SPOCK3: variants seen among roughly 807,000 people sequenced by gnomAD.
SPOCK3 encodes SPARC (osteonectin), cwcv and kazal like domains proteoglycan 3.
SPOCK3 carries 30 observed loss-of-function variants against 56.6 expected under a neutral mutation model. The observed-to-expected ratio is 0.53, with a 90% confidence interval of 0.40 to 0.72. SPOCK3 has a LOEUF of 0.72. Among genes scored for constraint, SPOCK3 ranks in the 30% least tolerant of loss-of-function variants. SPOCK3 has a pLI of 0.00. For missense variants in SPOCK3, 527 were observed against 530.0 expected (o/e 0.99, Z 0.06); for synonymous variants, 196 against 183.3 (o/e 1.07, Z -0.56).
intron 4 of SPOCK3, among the ~76,000 whole-genome samples, chr4:166,939,383 A>T (rs992855598): frequency 2.6e-5 from 4 of 152,162 alleles, no homozygotes; most frequent in African/African-American, 9.7e-5. Context: ...AAAAGAGTTC[A>T]GCATAAATAA....
intron 2 of SPOCK3, among the ~76,000 whole-genome samples, chr4:167,233,112 T>G (rs1380020095): frequency 6.6e-6 from 1 of 152,200 alleles, no homozygotes; most frequent in Non-Finnish European, 1.5e-5. Flanking sequence ...GCCTCCTCAC[T>G]GGGACAACCA....
At chr4:167,073,217 T>TA (rs1307540797) in intron 2 of SPOCK3, among the ~76,000 whole-genome samples, 4 of 151,730 alleles carry the variant, frequency 2.6e-5, no homozygotes, top group African/African-American at 9.7e-5. Flanking sequence ...ATATTGAATA[T>TA]AGTTTATAAG....
chr4:167,100,446 C>CT (rs1276279731), intron 2 of SPOCK3, among the ~76,000 whole-genome samples: 1 of 149,812 alleles, frequency 6.7e-6, no homozygotes, highest in Non-Finnish European at 1.5e-5. Context: ...CTCTCTGTCT[C>CT]TCTCTCTCTC....
At chr4:167,154,765 C>A (rs1252387772) in intron 2 of SPOCK3, among the ~76,000 whole-genome samples, 2 of 152,126 alleles carry the variant, frequency 1.3e-5, no homozygotes, top group Non-Finnish European at 2.9e-5. Context: ...GGCATCATTA[C>A]AGTATGTCAT....
intron 2 of SPOCK3, among the ~76,000 whole-genome samples, chr4:167,207,877 A>T (rs149760798): frequency 0.016 from 2,435 of 152,210 alleles, 34 homozygotes; most frequent in Non-Finnish European, 0.025. Context: ...ATAATAATAA[A>T]AAAAAAAAAT....
intron 2 of SPOCK3, among the ~76,000 whole-genome samples, chr4:167,096,225 G>T (rs535659967): frequency 1.3e-5 from 2 of 151,688 alleles, no homozygotes; most frequent in Non-Finnish European, 3.0e-5. Flanking sequence ...TCAAAATCCC[G>T]CAAACTATAT....
intron 4 of SPOCK3, among the ~76,000 whole-genome samples, chr4:166,948,741 G>A (rs1204550655): frequency 1.3e-5 from 2 of 152,006 alleles, no homozygotes; most frequent in African/African-American, 2.4e-5. Context: ...TCCCTTTGTG[G>A]GTAACCCGAC....
intron 2 of SPOCK3, among the ~76,000 whole-genome samples, chr4:167,206,782 A>G (rs1734382570): frequency 6.6e-6 from 1 of 151,950 alleles, no homozygotes; most frequent in Admixed American, 6.6e-5. Context: ...TGTAATGAAA[A>G]ACTTATGTTG....
chr4:167,042,310 G>C (rs1419602640), intron 3 of SPOCK3, among the ~76,000 whole-genome samples: 1 of 152,188 alleles, frequency 6.6e-6, no homozygotes, highest in Non-Finnish European at 1.5e-5. Flanking sequence ...TATGGTTAAG[G>C]AGGGCTGACT....
intron 4 of SPOCK3, among the ~76,000 whole-genome samples, chr4:166,953,143 A>G (rs1215735114): frequency 5.9e-5 from 9 of 151,790 alleles, no homozygotes; most frequent in South Asian, 4.2e-4. Flanking sequence ...CAGAGTGAAC[A>G]GGCAACCTAC....
chr4:166,991,652 G>A (rs533477815), intron 4 of SPOCK3, among the ~76,000 whole-genome samples: 61 of 152,166 alleles, frequency 4.0e-4, no homozygotes, highest in African/African-American at 1.4e-3. Context: ...TTACAGGCAT[G>A]AGCCACCAGT....
intron 2 of SPOCK3, among the ~76,000 whole-genome samples, chr4:167,194,453 G>A (rs1052667794): frequency 1.3e-5 from 2 of 152,118 alleles, no homozygotes; most frequent in Non-Finnish European, 2.9e-5. Flanking sequence ...AGCTTTATTA[G>A]TTTACTTGTG....
chr4:167,053,714 TAA>T (rs527914598), intron 3 of SPOCK3, among the ~76,000 whole-genome samples: 2 of 151,084 alleles, frequency 1.3e-5, no homozygotes, highest in African/African-American at 4.9e-5. Flanking sequence ...AACAAATAAA[TAA>T]AAAAAAGAGA....
intron 4 of SPOCK3, among the ~76,000 whole-genome samples, chr4:166,934,497 C>CA (rs374443379): frequency 6.9e-4 from 100 of 145,772 alleles, no homozygotes; most frequent in Non-Finnish European, 8.9e-4. Flanking sequence ...GACTCCGTCT[C>CA]AAAAAAAAAA....
intron 6 of SPOCK3, among the ~76,000 whole-genome samples, chr4:166,798,509 T>G (rs146866652): frequency 1.5e-4 from 23 of 152,198 alleles, no homozygotes; most frequent in African/African-American, 5.5e-4. Flanking sequence ...ATAGCTATGA[T>G]CAACAACAAG....
At chr4:166,791,626 T>C (rs1433585949) in intron 7 of SPOCK3, among the ~76,000 whole-genome samples, 1 of 152,186 alleles carries the variant, frequency 6.6e-6, no homozygotes, top group Non-Finnish European at 1.5e-5. Flanking sequence ...TTCCAAGGAA[T>C]TAAAAAAACT....
At chr4:166,929,369 G>A (rs1257418848) in intron 4 of SPOCK3, among the ~76,000 whole-genome samples, 2 of 152,128 alleles carry the variant, frequency 1.3e-5, no homozygotes, top group Non-Finnish European at 2.9e-5. Context: ...AGCTGTCAAA[G>A]TGCTTCAGAA....
intron 2 of SPOCK3, among the ~76,000 whole-genome samples, chr4:167,146,971 TA>T (rs2150409088): frequency 6.6e-6 from 1 of 151,926 alleles, no homozygotes; most frequent in East Asian, 1.9e-4. Flanking sequence ...AGACCGGAAC[TA>T]AAGGAGATAG....
intron 2 of SPOCK3, among the ~76,000 whole-genome samples, chr4:167,149,288 T>C (rs1284779427): frequency 6.6e-6 from 1 of 152,134 alleles, no homozygotes; most frequent in Admixed American, 6.6e-5. Context: ...GGCATAATCT[T>C]TGTTCTCATG....
Sources: allele counts gnomAD v4.1 joint callset (sites outside exome capture counted in the v4.1 genomes callset), GRCh38; gene constraint gnomAD v4.1.1; transcripts MANE v1.5; gene names NCBI Gene and HGNC (gene_info 2026-07-23, HGNC 2026-07-21).